Variants in SSUH2 observed in about 807,000 individuals in gnomAD.
The protein encoded by SSUH2 is protein SSUH2 homolog.
Under a neutral mutation model 55.3 loss-of-function variants are expected in SSUH2, and 47 were observed. The observed-to-expected ratio is 0.85, with a 90% CI of 0.67 to 1.08. The LOEUF (loss-of-function observed/expected upper bound fraction) is 1.08. SSUH2 is among the 50% of genes least tolerant of loss of function. SSUH2 has a pLI of 0.00. For synonymous variants in SSUH2, 212 were observed against 191.5 expected, an observed-to-expected ratio of 1.11 and a Z score of -0.89; for missense variants, 535 against 490.7, an observed-to-expected ratio of 1.09 and a Z score of -0.85.
chr3:8,627,581 C>G (rs1697850036), intron 8 of SSUH2, 117 bp downstream of exon 8: 1 of 788,934 alleles, frequency 1.3e-6, no homozygotes. Context: ...ACGTGCAGAG[C>G]TCTGGGGACA....
intron 8 of SSUH2, chr3:8,627,171 A>C (rs1319453328): frequency 6.6e-6 from 1 of 152,350 alleles, no homozygotes; most frequent in East Asian, 1.9e-4. Context: ...AAAAAGTTAT[A>C]AATACACTAA....
At chr3:8,662,046 G>A (rs56357596) in intron 6 of SSUH2, among the ~76,000 whole-genome samples, 18,604 of 152,180 alleles carry the variant, frequency 0.12, 1,410 homozygotes, top group African/African-American at 0.2. Flanking sequence ...ACGTGGAACT[G>A]TGGATCCATT....
intron 3 of SSUH2, chr3:8,634,625 C>T (rs1424711022): frequency 3.1e-6 from 4 of 1,272,562 alleles, no homozygotes; most frequent in Non-Finnish European, 4.1e-6. Flanking sequence ...AGATGACTCC[C>T]CGGAGGAAGC....
upstream of SSUH2, among the ~76,000 whole-genome samples, chr3:8,648,026 G>T (rs566115271): frequency 8.6e-4 from 131 of 152,280 alleles, no homozygotes; most frequent in African/African-American, 3.1e-3. Flanking sequence ...ATCCCTCCAG[G>T]CCCAAGTCGT....
intron 10 of SSUH2, among the ~76,000 whole-genome samples, chr3:8,625,322 A>G (rs1575057643): frequency 6.6e-6 from 1 of 152,028 alleles, no homozygotes; most frequent in African/African-American, 2.4e-5. Flanking sequence ...GAAGAACGGC[A>G]TGGTGGGTGG....
intron 5 of SSUH2, among the ~76,000 whole-genome samples, chr3:8,667,614 G>T (rs993153597): frequency 6.6e-6 from 1 of 152,128 alleles, no homozygotes; most frequent in African/African-American, 2.4e-5. Context: ...AAAAGCTCTC[G>T]AACTTTGTCC....
chr3:8,662,261 G>C (rs1703567503), intron 6 of SSUH2, among the ~76,000 whole-genome samples: 1 of 152,218 alleles, frequency 6.6e-6, no homozygotes, highest in African/African-American at 2.4e-5. Flanking sequence ...AGAGGGCCAT[G>C]GGGAATTGTC....
intron 2 of SSUH2, among the ~76,000 whole-genome samples, chr3:8,678,875 AGGATCCCCATTGCAAGGGAGGGAG>A: frequency 9.4e-6 from 1 of 105,994 alleles, no homozygotes; most frequent in Non-Finnish European, 2.1e-5. Flanking sequence ...CCTGGCTCTT[AGGATCCCCATTGCAAGGGAGGGAG>A]GCACCCCCCG....
intron 3 of SSUH2, among the ~76,000 whole-genome samples, chr3:8,674,441 A>G (rs571620855): frequency 4.9e-4 from 75 of 152,260 alleles, no homozygotes; most frequent in African/African-American, 1.8e-3. Flanking sequence ...AGTGTCCCCA[A>G]AGACCCCCTG....
intron 7 of SSUH2, among the ~76,000 whole-genome samples, chr3:8,650,624 G>A (rs753481222): frequency 6.6e-6 from 1 of 152,182 alleles, no homozygotes; most frequent in African/African-American, 2.4e-5. Flanking sequence ...TTCAAAAACA[G>A]GGATCCAGTC....
intron 2 of SSUH2, among the ~76,000 whole-genome samples, chr3:8,678,321 C>T (rs535508436): frequency 3.4e-4 from 51 of 152,136 alleles, no homozygotes; most frequent in Admixed American, 1.2e-3. Context: ...GTGTACACCT[C>T]GTGCTCTATT....
upstream of SSUH2, among the ~76,000 whole-genome samples, chr3:8,648,170 T>C (rs1159309645): frequency 1.3e-5 from 2 of 152,178 alleles, no homozygotes; most frequent in African/African-American, 2.4e-5. Context: ...AAGATAGATA[T>C]TGTTCTCCTT....
Position 8,651,336 on chromosome 3 carries a change from G to A in SSUH2, c.-307+7589C>T, listed in dbSNP as rs57556973. ...AGTGAGGGAAGCCATCATTGCTGAC[G>A]GTGAGCACTTGTTGGGACCTCAGAA... On this transcript the variant is annotated intron_variant, in intron 7 of 18. Coordinates refer to the SSUH2 transcript ENST00000317371. Among the ~76,000 whole-genome samples the A allele has an allele frequency of 7.1e-4, 108 of 152,252 alleles. No individual in the cohort carries two copies. In the East Asian group the frequency reaches 0.019, roughly 27 times the overall value.
At chr3:8,627,904 C>A (rs1415870778) in intron 7 of SSUH2, 121 bp from the exon 8 acceptor site, 6 of 724,060 alleles carry the variant, frequency 8.3e-6, no homozygotes, top group Non-Finnish European at 1.3e-5. Context: ...TTAGCCCCTT[C>A]ATCTGTAAAA....
Position 8,651,514 on chromosome 3 carries a change from C to T in SSUH2, c.-307+7411G>A, listed in dbSNP as rs565043192. 3.3e-5 allele frequency among the ~76,000 whole-genome samples: 5 copies of T among 152,220 alleles called. 1 individual carries two copies. In the South Asian group the frequency reaches 1.0e-3, roughly 32 times the overall value. ...CACTTTGAATGTTGCCCTGAGGTCC[C>T]CAGAGGTGAAGTGACTCCTGGGGCC... On this transcript the variant is annotated intron_variant, in intron 7 of 18. Coordinates refer to the SSUH2 transcript ENST00000317371.
chr3:8,659,266 CCA>C (rs1703241852), intron 6 of SSUH2, among the ~76,000 whole-genome samples: 1 of 152,148 alleles, frequency 6.6e-6, no homozygotes, highest in Non-Finnish European at 1.5e-5. Context: ...GTCATTTCTC[CCA>C]CCTTAATTGC....
intron 8 of SSUH2, 26 bp downstream of exon 8, chr3:8,627,672 C>T (rs750835627): frequency 2.1e-6 from 3 of 1,424,002 alleles, no homozygotes; most frequent in Non-Finnish European, 2.7e-6. Flanking sequence ...GAGCACTTCA[C>T]CGCGGTGCTG....
At chr3:8,643,288 G>C (rs1367210378) in intron 1 of SSUH2, among the ~76,000 whole-genome samples, 1 of 152,128 alleles carries the variant, frequency 6.6e-6, no homozygotes, top group African/African-American at 2.4e-5. Flanking sequence ...AGTGACTTGA[G>C]CAAAGTCACC....
At position 8,629,667 on chromosome 3, in the gene SSUH2, G is replaced by GGTTCACAGATGACTCACCGTGCCCGCC; in HGVS notation, c.584_585insGGCGGGCACGGTGAGTCATCTGTGAAC (p.Gly195_Thr196insAlaGlyThrValSerHisLeuTer). On this transcript the variant is annotated stop_gained and inframe_insertion, in exon 7 of 12. Coordinates refer to ENST00000544814, the MANE Select transcript of SSUH2 (RefSeq NM_001256748.3). LOFTEE classifies it high-confidence loss of function. Reference sequence around the variant, plus strand: ...CAGTGGTTCACAGATGACTCACCGTGCCCGCCCCGTGGCAGCCGCTGCACT... The same window carrying GGTTCACAGATGACTCACCGTGCCCGCC: ...CAGTGGTTCACAGATGACTCACCGTGGTTCACAGATGACTCACCGTGCCCGCCCCCGCCCCGTGGCAGCCGCTGCACT... The GGTTCACAGATGACTCACCGTGCCCGCC allele has an allele frequency of 9.3e-7, 1 of 1,080,956 alleles. No homozygotes were observed. Among genetic ancestry groups the GGTTCACAGATGACTCACCGTGCCCGCC allele is most frequent in the Non-Finnish European group, 1.3e-6 (1 of 753,246 alleles). The allele number at this position is 1,080,956 out of a possible 1,614,324, so 67.0% of individuals were successfully genotyped here.
Sources: gnomAD v4.1 joint callset for allele counts (sites outside exome capture counted in the v4.1 genomes callset) on GRCh38, gnomAD v4.1.1 for gene constraint, MANE v1.5 for transcripts, NCBI Gene and HGNC (gene_info 2026-07-23, HGNC 2026-07-21) for gene names.